The following PTPN13 variants were observed in gnomAD, a reference collection of about 807,000 sequenced individuals.
PTPN13 encodes the protein protein tyrosine phosphatase non-receptor type 13.
In PTPN13, 191 loss-of-function variants were observed where a neutral mutation model predicts 284.0. The ratio of observed to expected loss-of-function variants is 0.67; its 90% confidence interval spans 0.60 to 0.76. PTPN13 has a LOEUF of 0.76. Ranked by LOEUF, PTPN13 falls within the 30% of genes least tolerant of loss-of-function variation. PTPN13 has a pLI of 0.00. For missense variants in PTPN13, 2,797 were observed against 2,939.9 expected, an observed-to-expected ratio of 0.95 and a Z score of 1.12; for synonymous variants, 986 against 1,022.3, an observed-to-expected ratio of 0.96 and a Z score of 0.68.
chr4:86,687,509 C>T (rs538212438), intron 4 of PTPN13, among the ~76,000 whole-genome samples: 1 of 152,130 alleles, frequency 6.6e-6, no homozygotes, highest in East Asian at 1.9e-4. Context: ...CCAAAAATAA[C>T]TAGGTGTGGT....
intron 9 of PTPN13, among the ~76,000 whole-genome samples, chr4:86,721,344 T>C (rs1489155795): frequency 6.6e-6 from 1 of 152,088 alleles, no homozygotes; most frequent in Admixed American, 6.6e-5. Context: ...CAGGTAATCA[T>C]TGAGCACCTG....
chr4:86,780,348 G>C, intron 35 of PTPN13, 54 bp from the exon 36 acceptor site: 1 of 1,451,708 alleles, frequency 6.9e-7, no homozygotes, highest in Non-Finnish European at 9.5e-7. Context: ...GGGCCTGGGA[G>C]GTCAAGGCTA....
chr4:86,662,045 C>CT (rs35512806), intron 2 of PTPN13, among the ~76,000 whole-genome samples: 40 of 152,050 alleles, frequency 2.6e-4, no homozygotes, highest in Middle Eastern at 3.4e-3. Context: ...TACTGTAAAA[C>CT]TTTTTTTTAC....
chr4:86,768,073 T>C, intron 28 of PTPN13, 97 bp downstream of exon 28: 2 of 1,092,064 alleles, frequency 1.8e-6, no homozygotes, highest in Non-Finnish European at 2.6e-6. Context: ...TGCCCTAGTT[T>C]TGTTCATTAT....
At chr4:86,680,843 C>A (rs543501683) in intron 3 of PTPN13, among the ~76,000 whole-genome samples, 1 of 152,304 alleles carries the variant, frequency 6.6e-6, no homozygotes, top group East Asian at 1.9e-4. Flanking sequence ...CATGGCAATG[C>A]CTTTCTCCCT....
At chr4:86,694,732 CTCT>C (rs773159033) in intron 6 of PTPN13, among the ~76,000 whole-genome samples, 43 of 150,616 alleles carry the variant, frequency 2.9e-4, no homozygotes, top group Non-Finnish European at 4.7e-4. Flanking sequence ...TATCTTTGTT[CTCT>C]TCTTATCAAG....
intron 15 of PTPN13, 113 bp downstream of exon 15, chr4:86,735,859 T>A: frequency 1.1e-6 from 1 of 902,424 alleles, no homozygotes; most frequent in South Asian, 2.0e-5. Flanking sequence ...CTGTGCATAA[T>A]CTCATCTCAT....
At chr4:86,658,804 T>G (rs1470383132) in intron 2 of PTPN13, among the ~76,000 whole-genome samples, 1 of 151,992 alleles carries the variant, frequency 6.6e-6, no homozygotes, top group Non-Finnish European at 1.5e-5. Context: ...TAAGGCACAG[T>G]CAAAATTTTA....
At chr4:86,608,851 C>T (rs906441028) in intron 1 of PTPN13, among the ~76,000 whole-genome samples, 2 of 152,056 alleles carry the variant, frequency 1.3e-5, no homozygotes, top group African/African-American at 2.4e-5. Flanking sequence ...ATACTTAGTA[C>T]GTTTAAAAAT....
chr4:86,768,930 G>A (rs1409574064), intron 28 of PTPN13, among the ~76,000 whole-genome samples: 1 of 151,838 alleles, frequency 6.6e-6, no homozygotes, highest in Non-Finnish European at 1.5e-5. Context: ...AACTGGTCTT[G>A]AACTCCTGAC....
intron 1 of PTPN13, among the ~76,000 whole-genome samples, chr4:86,618,904 T>C (rs373220964): frequency 2.0e-5 from 3 of 152,314 alleles, no homozygotes; most frequent in Admixed American, 6.5e-5. Flanking sequence ...CTTTTCCTAA[T>C]TGAATACCCT....
intron 1 of PTPN13, among the ~76,000 whole-genome samples, chr4:86,605,000 T>C (rs1477799191): frequency 1.3e-5 from 2 of 151,984 alleles, no homozygotes; most frequent in African/African-American, 4.8e-5. Flanking sequence ...GAGTGTGAGC[T>C]GAGTCTTGAA....
intron 7 of PTPN13, among the ~76,000 whole-genome samples, chr4:86,702,050 G>C (rs1024059484): frequency 6.6e-6 from 1 of 152,194 alleles, no homozygotes; most frequent in Non-Finnish European, 1.5e-5. Flanking sequence ...CGATATTTGG[G>C]ATAGTATATT....
At chr4:86,813,807 G>T (rs1222195752) in intron 47 of PTPN13, among the ~76,000 whole-genome samples, 2 of 152,096 alleles carry the variant, frequency 1.3e-5, no homozygotes, top group Admixed American at 1.3e-4. Flanking sequence ...AAGAAATTAT[G>T]TAGGAAGGTT....
At position 86,807,775 on chromosome 4, in the gene PTPN13, C is replaced by T. The variant is rs376587143; in HGVS notation, c.6961C>T (p.Arg2321Cys). ...EVEGEKIKCQ[R>C]YWPNILGKTT... ...AGAAGGAGAAAAAATCAAATGCCAG[C>T]GCTATTGGCCCAACATCCTAGGCAA... The change falls in exon 45 of 48, where the codon CGC becomes TGC. Residue 2321 changes from arginine (R) to cysteine (C), a missense_variant. Physicochemically the swap from Arg to Cys is radical, Grantham distance 180. Transcript: ENST00000411767. The T allele has an allele frequency of 8.1e-6, 13 of 1,613,988 alleles. No homozygotes were observed. Among genetic ancestry groups the T allele is most frequent in the East Asian group, 6.7e-5 (3 of 44,884 alleles).
intron 1 of PTPN13, among the ~76,000 whole-genome samples, chr4:86,596,075 G>A (rs1350405689): frequency 6.6e-6 from 1 of 152,112 alleles, no homozygotes; most frequent in Admixed American, 6.6e-5. Context: ...ACTGACTGAC[G>A]TCCAATCTTG....
At chr4:86,599,172 T>C (rs998229759) in intron 1 of PTPN13, among the ~76,000 whole-genome samples, 1 of 152,210 alleles carries the variant, frequency 6.6e-6, no homozygotes, top group Non-Finnish European at 1.5e-5. Flanking sequence ...TAAGAAACCA[T>C]AGTCAACTTT....
intron 17 of PTPN13, among the ~76,000 whole-genome samples, chr4:86,749,224 AAT>A (rs1281282519): frequency 6.6e-6 from 1 of 152,092 alleles, no homozygotes; most frequent in Non-Finnish European, 1.5e-5. Flanking sequence ...CTAAGTCAGT[AAT>A]CATTTGATAT....
rs531004783 is a variant in PTPN13 at position 86,765,836 on chromosome 4, T to G, written c.4243+348T>G. On this transcript the variant is annotated intron_variant, in intron 26 of 47. Coordinates refer to ENST00000411767, the MANE Select transcript of PTPN13 (RefSeq NM_080683.3). Reference sequence around the variant, plus strand: ...TACACTTGTTTTTTTTGTTGTTGTTTTTTTTTTTCGAGACAGAGTCTCACT... The same window carrying G: ...TACACTTGTTTTTTTTGTTGTTGTTGTTTTTTTTCGAGACAGAGTCTCACT... Among the ~76,000 whole-genome samples, 52 of 151,994 alleles carry G rather than the reference T, an allele frequency of 3.4e-4. 1 individual carries two copies. The highest frequency in any genetic ancestry group is 4.1e-4 in the African/African-American group (17 of 41,508).
Sources: gnomAD v4.1 joint callset for allele counts (sites outside exome capture counted in the v4.1 genomes callset) on GRCh38, gnomAD v4.1.1 for gene constraint, MANE v1.5 for transcripts, NCBI Gene and HGNC (gene_info 2026-07-23, HGNC 2026-07-21) for gene names.